Variants in PTPN1 observed in about 807,000 individuals in gnomAD.
The protein encoded by PTPN1 is protein tyrosine phosphatase non-receptor type 1, also known as tyrosine-protein phosphatase non-receptor type 1.
Under a neutral mutation model 59.9 loss-of-function variants are expected in PTPN1, and 12 were observed. The observed-to-expected ratio is 0.20, with a 90% CI of 0.13 to 0.32. The LOEUF (loss-of-function observed/expected upper bound fraction) is 0.32. Ranked by LOEUF, PTPN1 falls within the 10% of genes least tolerant of loss-of-function variation. The probability of loss-of-function intolerance (pLI) is 1.00; values close to 1 mark genes in which losing one functional copy is unlikely to be tolerated. For missense variants in PTPN1, 356 were observed against 549.2 expected (o/e 0.65, Z 3.52); for synonymous variants, 178 against 203.6 (o/e 0.87, Z 1.07).
chr20:50,525,627 T>C (rs1212982849), intron 1 of PTPN1, among the ~76,000 whole-genome samples: 5 of 145,234 alleles, frequency 3.4e-5, no homozygotes, highest in Admixed American at 3.4e-4. Context: ...TTTTTTTTTT[T>C]GATGATTGTT....
At chr20:50,514,820 C>T (rs190791489) in intron 1 of PTPN1, among the ~76,000 whole-genome samples, 2 of 152,306 alleles carry the variant, frequency 1.3e-5, no homozygotes, top group African/African-American at 2.4e-5. Context: ...CTAGCTGGGT[C>T]ATTGTTCCCA....
intron 2 of PTPN1, 92 bp from the exon 3 acceptor site, chr20:50,564,877 C>G: frequency 6.4e-7 from 1 of 1,564,268 alleles, no homozygotes; most frequent in Non-Finnish European, 8.6e-7. Flanking sequence ...CTAATGCCAC[C>G]AACTCACCTT....
intron 1 of PTPN1, among the ~76,000 whole-genome samples, chr20:50,526,297 TCTTGA>T (rs2082575242): frequency 6.6e-6 from 1 of 152,098 alleles, no homozygotes; most frequent in African/African-American, 2.4e-5. Context: ...TCCAGGCTGG[TCTTGA>T]ACTCCTAAAC....
chr20:50,511,131 C>A (rs973101917), intron 1 of PTPN1, among the ~76,000 whole-genome samples: 1 of 152,180 alleles, frequency 6.6e-6, no homozygotes, highest in Non-Finnish European at 1.5e-5. Flanking sequence ...AGTTGGCAAG[C>A]TTATTCTGTG....
rs984695310 is a variant in PTPN1, at chr20:50,581,165, C to T, written c.1089-100C>T. 6.1e-6 allele frequency: 9 copies of T among 1,482,712 alleles called. No homozygotes were observed. The African/African-American group carries it at 7.0e-5, about 12-fold the overall frequency. 91.8% of individuals were successfully genotyped at this position (1,482,712 alleles called of 1,614,324 possible). ...TTAACATCATCCAACTCTGTCTACA[C>T]GTGGCTTGTTTTTTCCTAGAATTCC... On this transcript the variant is annotated intron_variant, in intron 8 of 9. Transcript: ENST00000371621.
At chr20:50,552,099 C>T (rs2082704258) in intron 1 of PTPN1, among the ~76,000 whole-genome samples, 1 of 152,156 alleles carries the variant, frequency 6.6e-6, no homozygotes, top group Non-Finnish European at 1.5e-5. Flanking sequence ...CGTAGCTCCC[C>T]TGTGATACAG....
chr20:50,560,681 G>T (rs2082747957), intron 1 of PTPN1, among the ~76,000 whole-genome samples: 1 of 150,400 alleles, frequency 6.6e-6, no homozygotes, highest in East Asian at 1.9e-4. Context: ...CCATTTTTAG[G>T]TACACAGTTC....
At chr20:50,564,852 C>G in intron 2 of PTPN1, 117 bp from the exon 3 acceptor site, 1 of 1,479,292 alleles carries the variant, frequency 6.8e-7, no homozygotes, top group Non-Finnish European at 9.1e-7. Flanking sequence ...AGGGCTTCAG[C>G]CAGTGTGAAT....
intron 1 of PTPN1, among the ~76,000 whole-genome samples, chr20:50,541,764 C>T (rs561908791): frequency 3.3e-5 from 5 of 152,216 alleles, no homozygotes; most frequent in South Asian, 4.1e-4. Context: ...GCAACAGTGC[C>T]GGAACAGACT....
chr20:50,555,128 G>A, intron 1 of PTPN1, among the ~76,000 whole-genome samples: 1 of 152,116 alleles, frequency 6.6e-6, no homozygotes, highest in East Asian at 1.9e-4. Context: ...AGTTAGTGAA[G>A]TATAAAACAA....
In PTPN1 at chr20:50,519,482, T is replaced by C. The variant is rs1274656793; in HGVS notation, c.63+8892T>C. ...AGATGTTGCTTTTGAAAGTAGGAAATAGATGGCTTTAGAAGATGGAAGAAT... is the reference window on the plus strand; with the variant it reads ...AGATGTTGCTTTTGAAAGTAGGAAACAGATGGCTTTAGAAGATGGAAGAAT... On this transcript the variant is annotated intron_variant, in intron 1 of 9. Coordinates refer to ENST00000371621, the MANE Select transcript of PTPN1 (RefSeq NM_002827.4). Among the ~76,000 whole-genome samples the C allele has an allele frequency of 2.6e-5, 4 of 152,304 alleles. No individual in the cohort carries two copies. In the East Asian group the frequency reaches 7.7e-4, roughly 29 times the overall value.
intron 1 of PTPN1, among the ~76,000 whole-genome samples, chr20:50,535,900 T>G (rs1411290877): frequency 6.6e-6 from 1 of 151,788 alleles, no homozygotes; most frequent in Non-Finnish European, 1.5e-5. Flanking sequence ...GAGAAAGAAA[T>G]TCCTTGAATA....
At chr20:50,541,810 T>A (rs1437571938) in intron 1 of PTPN1, among the ~76,000 whole-genome samples, 1 of 152,158 alleles carries the variant, frequency 6.6e-6, no homozygotes, top group African/African-American at 2.4e-5. Context: ...TATGATTTAT[T>A]ACCACCCATT....
intron 1 of PTPN1, among the ~76,000 whole-genome samples, chr20:50,519,634 A>G (rs1041185878): frequency 4.6e-5 from 7 of 152,194 alleles, no homozygotes; most frequent in Non-Finnish European, 1.0e-4. Flanking sequence ...CTAACCACTT[A>G]AGAACTGCAT....
chr20:50,575,339 CTG>C (rs1330691073), intron 5 of PTPN1, among the ~76,000 whole-genome samples: 4 of 152,194 alleles, frequency 2.6e-5, no homozygotes, highest in Admixed American at 2.6e-4. Context: ...TAGAACCTAA[CTG>C]GGGTCGAATC....
intron 1 of PTPN1, among the ~76,000 whole-genome samples, chr20:50,517,978 C>T (rs2082536279): frequency 6.6e-6 from 1 of 152,158 alleles, no homozygotes; most frequent in Admixed American, 6.5e-5. Context: ...AGCAACATCA[C>T]TTGCAAAGAT....
intron 1 of PTPN1, among the ~76,000 whole-genome samples, chr20:50,547,378 T>G (rs1247577024): frequency 6.6e-6 from 1 of 152,156 alleles, no homozygotes; most frequent in Admixed American, 6.5e-5. Flanking sequence ...ATTAACTTTT[T>G]TTTTTTTGAG....
At chr20:50,565,663 A>T (rs1226729850) in intron 3 of PTPN1, among the ~76,000 whole-genome samples, 1 of 152,228 alleles carries the variant, frequency 6.6e-6, no homozygotes, top group Non-Finnish European at 1.5e-5. Flanking sequence ...CCAAAAGGGT[A>T]TCTGGGAAAG....
At chr20:50,559,933 G>T (rs1348960797) in intron 1 of PTPN1, among the ~76,000 whole-genome samples, 1 of 151,306 alleles carries the variant, frequency 6.6e-6, no homozygotes, top group East Asian at 1.9e-4. Context: ...GTCATCAGTG[G>T]TACCTGCATG....
Sources: allele counts gnomAD v4.1 joint callset (sites outside exome capture counted in the v4.1 genomes callset), GRCh38; gene constraint gnomAD v4.1.1; transcripts MANE v1.5; gene names NCBI Gene and HGNC (gene_info 2026-07-23, HGNC 2026-07-21).